PIGN: variants seen among roughly 807,000 people sequenced by gnomAD.
PIGN encodes GPI ethanolamine phosphate transferase 1.
Under a neutral mutation model 125.4 loss-of-function variants are expected in PIGN, and 117 were observed. The ratio of observed to expected loss-of-function variants is 0.93; its 90% CI spans 0.80 to 1.09. The LOEUF (loss-of-function observed/expected upper bound fraction) is 1.09, where lower values mean the gene tolerates loss of function less well. PIGN is among the 50% of genes least tolerant of loss of function. PIGN has a pLI of 0.00. For missense variants in PIGN, 1,075 were observed against 1,094.9 expected (o/e 0.98, Z 0.26); for synonymous variants, 392 against 377.8 (o/e 1.04, Z -0.44).
At chr18:62,137,058 T>C (rs1477773579) in intron 14 of PIGN, 12 of 398,350 alleles carry the variant, frequency 3.0e-5, no homozygotes, top group Non-Finnish European at 4.9e-5. Flanking sequence ...GTCAGTGGAG[T>C]GGGAGAAGCA....
chr18:62,072,434 T>C (rs1229656575), intron 30 of PIGN: 2 of 340,296 alleles, frequency 5.9e-6, no homozygotes, highest in East Asian at 4.5e-5. Context: ...TATGTGTAGA[T>C]ACATAAATAC....
At position 62,185,959 on chromosome 18, in the gene PIGN, T is replaced by C. The variant is rs533923154; in HGVS notation, c.-236+885A>G. Reference sequence around the variant, plus strand: ...AGCCTGCATGAACGAGTCAGAAATGTTGCAGGAGACAGTGGATAAAGAATC... The same window carrying C: ...AGCCTGCATGAACGAGTCAGAAATGCTGCAGGAGACAGTGGATAAAGAATC... On this transcript the variant is annotated intron_variant, in intron 1 of 30. Coordinates refer to ENST00000640252, the MANE Select transcript of PIGN (RefSeq NM_176787.5). Among the ~76,000 whole-genome samples the C allele has an allele frequency of 2.6e-5, 4 of 152,284 alleles. No homozygotes were observed. In the East Asian group the frequency reaches 7.7e-4, roughly 29 times the overall value.
chr18:62,119,852 A>AAAAG (rs994787990), intron 14 of PIGN, among the ~76,000 whole-genome samples: 22 of 151,914 alleles, frequency 1.4e-4, no homozygotes, highest in Admixed American at 3.9e-4. Flanking sequence ...TCAAAAAAAA[A>AAAAG]AAAGAAAGAA....
At chr18:62,168,743 CTG>C (rs565777197) in intron 1 of PIGN, among the ~76,000 whole-genome samples, 51 of 152,162 alleles carry the variant, frequency 3.4e-4, no homozygotes, top group Admixed American at 1.2e-3. Flanking sequence ...GACCAAAAAA[CTG>C]TACATAAAGT....
chr18:62,093,128 G>T (rs936551468), intron 23 of PIGN, among the ~76,000 whole-genome samples: 2 of 152,050 alleles, frequency 1.3e-5, no homozygotes, highest in African/African-American at 4.8e-5. Flanking sequence ...GAATTAAGGT[G>T]CATACTCTGA....
At chr18:62,146,867 G>T in intron 9 of PIGN, 104 bp downstream of exon 9, 1 of 1,137,972 alleles carries the variant, frequency 8.8e-7, no homozygotes, top group Non-Finnish European at 1.2e-6. Context: ...TAGACATTTT[G>T]TATACAGCAA....
Position 62,101,120 on chromosome 18 carries a change from G to A in PIGN, c.2032C>T (p.Gln678Ter). The change falls in exon 22 of 31, where the codon CAA becomes TAA. Residue 678 changes from glutamine to a stop codon, truncating the protein, a stop_gained. Transcript: ENST00000640252. LOFTEE classifies it high-confidence loss of function. ...ATTTGATTCATGAGAGGCAGTCCTT[G>A]CTTCCTGAGTAGACTACTCTGAGTG... The part of the protein sequence containing the change: ...YSTQSSLLRK[Q>*]GLPLMNQIIS... 1 of 1,611,802 alleles carries A rather than the reference G, an allele frequency of 6.2e-7. No individual in the cohort carries two copies. The highest frequency in any genetic ancestry group is 8.5e-7 in the Non-Finnish European group (1 of 1,178,310).
chr18:62,034,918 C>T (rs556929967), intron 23 of PIGN, among the ~76,000 whole-genome samples: 3 of 152,084 alleles, frequency 2.0e-5, no homozygotes, highest in Admixed American at 6.5e-5. Context: ...TGGGAGGGGC[C>T]GGGGGAGAAT....
At chr18:62,082,785 G>A in intron 27 of PIGN, 39 bp from the exon 28 acceptor site, 1 of 1,083,548 alleles carries the variant, frequency 9.2e-7, no homozygotes, top group Admixed American at 2.3e-5. Flanking sequence ...AATAACTGAA[G>A]CATCTGAAAC....
chr18:62,031,951 G>A (rs570721566), intron 23 of PIGN, among the ~76,000 whole-genome samples: 3 of 152,152 alleles, frequency 2.0e-5, no homozygotes, highest in South Asian at 4.1e-4. Context: ...TAAGGCTCTC[G>A]GGGTGGATCC....
At chr18:62,031,627 C>T (rs1280257150) in intron 23 of PIGN, among the ~76,000 whole-genome samples, 1 of 152,190 alleles carries the variant, frequency 6.6e-6, no homozygotes, top group African/African-American at 2.4e-5. Flanking sequence ...CCTCCCCAAA[C>T]ATGCAGGCAC....
At chr18:62,145,695 ATTAGCAGTGG>A (rs2036301503) in intron 10 of PIGN, among the ~76,000 whole-genome samples, 1 of 152,202 alleles carries the variant, frequency 6.6e-6, no homozygotes, top group Non-Finnish European at 1.5e-5. Context: ...AAGTCTAGTT[ATTAGCAGTGG>A]TGTGCTGGGA....
chr18:62,053,305 G>T (rs1271855030), intron 30 of PIGN, among the ~76,000 whole-genome samples: 1 of 152,000 alleles, frequency 6.6e-6, no homozygotes, highest in Non-Finnish European at 1.5e-5. Flanking sequence ...GCCATACAAA[G>T]AGATACATTA....
rs917835670 is a variant in PIGN at position 62,153,353 on chromosome 18, T to C, written c.549+1192A>G. The C allele has an allele frequency of 4.6e-5, 7 of 152,342 alleles. No homozygotes were observed. The East Asian group carries it at 7.7e-4, about 17-fold the overall frequency. The allele number at this position is 152,342 out of a possible 1,614,324, so 9.4% of individuals were successfully genotyped here. On this transcript the variant is annotated intron_variant, in intron 7 of 30. Coordinates refer to ENST00000640252, the MANE Select transcript of PIGN (RefSeq NM_176787.5). ...ATATCTACCATATTTTATGAAGTCA[T>C]GTGCAAATCTTTTTTTCTGTTCACT...
intron 23 of PIGN, among the ~76,000 whole-genome samples, chr18:62,026,226 A>C (rs541697266): frequency 6.6e-6 from 1 of 152,316 alleles, no homozygotes; most frequent in East Asian, 1.9e-4. Flanking sequence ...GGCGCTAAGG[A>C]AGCATTCTAG....
chr18:62,080,458 GT>G (rs2145873851), intron 28 of PIGN, among the ~76,000 whole-genome samples: 1 of 152,280 alleles, frequency 6.6e-6, no homozygotes, highest in East Asian at 1.9e-4. Flanking sequence ...CAACCTTCCA[GT>G]TTAAAATGAA....
At position 62,041,640 on chromosome 18, in the gene PIGN, G is replaced by GGTGTGGGTGT. The variant is rs2030377579; in HGVS notation, c.*4215_*4216insACACCCACAC. 2 of 77,470 alleles carry GGTGTGGGTGT rather than the reference G, an allele frequency of 2.6e-5. No homozygotes were observed. The highest frequency in any genetic ancestry group is 1.5e-4 in the Admixed American group (1 of 6,744). The allele number at this position is 77,470 out of a possible 1,614,324, so 4.8% of individuals were successfully genotyped here. ...ATTACAGGAGCCTACCACCCCGCCG[G>GGTGTGGGTGT]GTGTGTGTGTGTGTGTGTGTGTGTG... On this transcript the variant is annotated 3_prime_UTR_variant, in exon 31 of 31. Coordinates refer to ENST00000640252, the MANE Select transcript of PIGN (RefSeq NM_176787.5).
intron 28 of PIGN, among the ~76,000 whole-genome samples, chr18:62,080,644 A>G (rs2033406190): frequency 6.6e-6 from 1 of 152,178 alleles, no homozygotes; most frequent in Non-Finnish European, 1.5e-5. Context: ...ATGAGATACG[A>G]TGGCAGATGG....
At chr18:62,175,596 C>A (rs1319074488) in intron 1 of PIGN, among the ~76,000 whole-genome samples, 1 of 152,178 alleles carries the variant, frequency 6.6e-6, no homozygotes, top group Non-Finnish European at 1.5e-5. Flanking sequence ...ATTATGGCAT[C>A]CCACCTTGGG....
Sources: allele counts gnomAD v4.1 joint callset (sites outside exome capture counted in the v4.1 genomes callset), GRCh38; gene constraint gnomAD v4.1.1; transcripts MANE v1.5; gene names NCBI Gene and HGNC (gene_info 2026-07-23, HGNC 2026-07-21).